Variants in CNTRL observed in about 807,000 individuals in gnomAD.
The protein encoded by CNTRL is 110 kDa centrosomal protein.
In CNTRL, 233 loss-of-function variants were observed where a neutral mutation model predicts 303.7. The ratio of observed to expected loss-of-function variants is 0.77; its 90% CI spans 0.69 to 0.86. The LOEUF (loss-of-function observed/expected upper bound fraction) is 0.86, where lower values mean the gene tolerates loss of function less well. Among genes scored for constraint, CNTRL ranks in the 40% least tolerant of loss-of-function variants. The pLI is 0.00. For missense variants in CNTRL, 2,524 were observed against 2,650.6 expected, an observed-to-expected ratio of 0.95 and a Z score of 1.05; for synonymous variants, 900 against 922.2, an observed-to-expected ratio of 0.98 and a Z score of 0.44.
In CNTRL at chr9:121,115,195, A is replaced by T. The variant is rs2049922593; in HGVS notation, c.1450A>T (p.Lys484Ter). The change falls in exon 11 of 44, where the codon AAA becomes TAA. Residue 484 changes from lysine to a stop codon, truncating the protein, a stop_gained. Coordinates refer to ENST00000373855, the MANE Select transcript of CNTRL (RefSeq NM_007018.6). LOFTEE classifies it high-confidence loss of function. ...ACAACTGGAAGAAGCTATACAACTA[A>T]AAAAGGTATGTAAAAGCAAAGCAGC... ...FKQLEEAIQL[K>*]KISEAGKDLL... The T allele has an allele frequency of 6.4e-7, 1 of 1,555,842 alleles. No homozygotes were observed.
In CNTRL at chr9:121,158,955, C is replaced by G. The variant is rs1233327069; in HGVS notation, c.4865C>G (p.Ala1622Gly). ...LLQGSMVQAKADLQEALRLGE... is the reference protein window; with the variant it reads ...LLQGSMVQAKGDLQEALRLGE... ...CAAGGAAGCATGGTCCAGGCAAAAGCTGACCTCCAGGAAGCTCTGAGACTG... is the reference window on the plus strand; with the variant it reads ...CAAGGAAGCATGGTCCAGGCAAAAGGTGACCTCCAGGAAGCTCTGAGACTG... The change falls in exon 31 of 44, where the codon GCT becomes GGT. Residue 1622 changes from alanine (A) to glycine (G), a missense_variant. Coordinates refer to ENST00000373855, the MANE Select transcript of CNTRL (RefSeq NM_007018.6). 1.9e-6 allele frequency: 3 copies of G among 1,614,170 alleles called. No homozygotes were observed. Among genetic ancestry groups the G allele is most frequent in the South Asian group, 2.2e-5 (2 of 91,084 alleles).
At chr9:121,164,242 A>G (rs1266453832) in intron 34 of CNTRL, among the ~76,000 whole-genome samples, 13 of 152,248 alleles carry the variant, frequency 8.5e-5, no homozygotes, top group Non-Finnish European at 7.3e-5. Flanking sequence ...TTTAACAGTT[A>G]CTTAAAAATC....
intron 26 of CNTRL, 89 bp from the exon 27 acceptor site, chr9:121,154,632 T>A: frequency 1.3e-6 from 1 of 742,424 alleles, no homozygotes; most frequent in Non-Finnish European, 2.2e-6. Context: ...AATTAGAAAA[T>A]CATTGTAGAT....
At chr9:121,122,759 T>C (rs1456321488) in intron 12 of CNTRL, among the ~76,000 whole-genome samples, 1 of 152,226 alleles carries the variant, frequency 6.6e-6, no homozygotes. Flanking sequence ...TTGCTTTCCC[T>C]AGCACACCTG....
At chr9:121,148,995 C>A in intron 24 of CNTRL, 134 bp downstream of exon 24, 1 of 741,030 alleles carries the variant, frequency 1.3e-6, no homozygotes, top group Non-Finnish European at 2.1e-6. Context: ...CTGGTCTTGG[C>A]CAGCGACCTC....
intron 21 of CNTRL, 116 bp downstream of exon 21, chr9:121,145,075 G>A (rs571242799): frequency 8.8e-7 from 1 of 1,138,468 alleles, no homozygotes; most frequent in Non-Finnish European, 1.3e-6. Flanking sequence ...TAGTTAATAA[G>A]TACTTTATCC....
intron 7 of CNTRL, among the ~76,000 whole-genome samples, chr9:121,104,745 A>T (rs2049376137): frequency 8.0e-6 from 1 of 125,408 alleles, no homozygotes; most frequent in Non-Finnish European, 1.6e-5. Context: ...CTTGTTGGCC[A>T]GGCTGGAGTG....
At chr9:121,104,230 A>G (rs1488244133) in intron 7 of CNTRL, among the ~76,000 whole-genome samples, 1 of 152,262 alleles carries the variant, frequency 6.6e-6, no homozygotes, top group East Asian at 1.9e-4. Context: ...TTGTAGGGAC[A>G]TGGTTGAAGC....
Position 121,096,489 on chromosome 9 carries a change from C to G in CNTRL, c.547C>G (p.His183Asp). ...KLNLAGNEIEHIPVWLGKKLK... is the reference protein window; with the variant it reads ...KLNLAGNEIEDIPVWLGKKLK... Reference sequence around the variant, plus strand: ...TAACCTTGCAGGAAATGAAATTGAGCATATTCCAGTATGGTTAGGGAAGAA... The same window carrying G: ...TAACCTTGCAGGAAATGAAATTGAGGATATTCCAGTATGGTTAGGGAAGAA... Residue 183 changes from histidine to aspartate, a missense_variant, in exon 6 of 44, where the codon CAT becomes GAT. Physicochemically the swap from His to Asp is moderately conservative, Grantham distance 81. Coordinates refer to ENST00000373855, the MANE Select transcript of CNTRL (RefSeq NM_007018.6). The G allele has an allele frequency of 6.4e-7, 1 of 1,570,444 alleles. No homozygotes were observed. The highest frequency in any genetic ancestry group is 1.2e-5 in the South Asian group (1 of 82,744).
At chr9:121,124,184 C>A in intron 13 of CNTRL, 100 bp downstream of exon 13, 1 of 1,003,316 alleles carries the variant, frequency 1.0e-6, no homozygotes. Flanking sequence ...AAATACAGTT[C>A]ACCTATTAGT....
intron 14 of CNTRL, among the ~76,000 whole-genome samples, chr9:121,129,060 A>G (rs372546178): frequency 4.6e-5 from 7 of 152,116 alleles, no homozygotes; most frequent in South Asian, 4.1e-4. Flanking sequence ...AGTATAGTTT[A>G]AAGTCAGGTA....
chr9:121,093,960 A>C (rs920582204), intron 4 of CNTRL, among the ~76,000 whole-genome samples: 4 of 152,096 alleles, frequency 2.6e-5, no homozygotes. Context: ...AATACAAAAA[A>C]TTAACCAGGC....
chr9:121,144,234 C>T, intron 20 of CNTRL, 152 bp downstream of exon 20: 1 of 655,310 alleles, frequency 1.5e-6, no homozygotes. Context: ...ATTATATTCC[C>T]CCCATCACAA....
chr9:121,118,665 T>G (rs982643243), intron 12 of CNTRL, 125 bp downstream of exon 12: 1 of 685,794 alleles, frequency 1.5e-6, no homozygotes, highest in Admixed American at 3.3e-5. Context: ...TTAAGTGATA[T>G]ATACATACAG....
At chr9:121,116,809 TGCTGG>T (rs1327719630) in intron 11 of CNTRL, among the ~76,000 whole-genome samples, 1 of 152,130 alleles carries the variant, frequency 6.6e-6, no homozygotes, top group East Asian at 1.9e-4. Context: ...ACCAGGAAGG[TGCTGG>T]TGGATGTGGA....
chr9:121,096,870 G>A (rs1236429217), intron 6 of CNTRL, among the ~76,000 whole-genome samples: 1 of 152,040 alleles, frequency 6.6e-6, no homozygotes. Flanking sequence ...TATGAGTTAG[G>A]TAGTAGCAAG....
chr9:121,176,226 T>C lies in CNTRL; in HGVS notation c.6955-937T>C, dbSNP rs74351442. On this transcript the variant is annotated intron_variant, in intron 43 of 43. Transcript: ENST00000373855. ...ATGATAAATGATTTGGTCAAGGACA[T>C]AGCAAAGGACAACAGCAGGACTTGC... is the stretch of plus-strand genomic sequence containing the variant. Among the ~76,000 whole-genome samples, 669 of 152,330 alleles carry C rather than the reference T, an allele frequency of 4.4e-3. 40 individuals carry two copies. In the East Asian group the frequency reaches 0.12, roughly 27 times the overall value.
In CNTRL at chr9:121,115,100, G is replaced by T; in HGVS notation, c.1355G>T (p.Arg452Leu). 1 of 1,588,566 alleles carries T rather than the reference G, an allele frequency of 6.3e-7. No homozygotes were observed. Among genetic ancestry groups the T allele is most frequent in the Non-Finnish European group, 8.6e-7 (1 of 1,168,492 alleles). ...GTTTTTAAATTTGCAGCACAAACTCGACTATCAGAACTGCATGATGAAATA... is the reference window on the plus strand; with the variant it reads ...GTTTTTAAATTTGCAGCACAAACTCTACTATCAGAACTGCATGATGAAATA... ...KEKKISAAQT[R>L]LSELHDEIEK... The change falls in exon 11 of 44, where the codon CGA becomes CTA. Residue 452 changes from arginine (R) to leucine (L), a missense_variant. Physicochemically the swap from Arg to Leu is moderately radical, Grantham distance 102 (BLOSUM62 -2). Coordinates refer to ENST00000373855, the MANE Select transcript of CNTRL (RefSeq NM_007018.6).
chr9:121,102,105 AATTTTAGACCAAT>A (rs1250993957), intron 7 of CNTRL, among the ~76,000 whole-genome samples: 1 of 152,206 alleles, frequency 6.6e-6, no homozygotes, highest in Non-Finnish European at 1.5e-5. Context: ...AAAAAAAGAG[AATTTTAGACCAAT>A]ATCCCTGATG....
Sources: gnomAD v4.1 joint callset for allele counts (sites outside exome capture counted in the v4.1 genomes callset) on GRCh38, gnomAD v4.1.1 for gene constraint, MANE v1.5 for transcripts, NCBI Gene and HGNC (gene_info 2026-07-23, HGNC 2026-07-21) for gene names.